Variants in NCK1 observed in about 807,000 individuals in gnomAD.
NCK1 encodes the protein SH2/SH3 adapter protein NCK1.
A neutral mutation model predicts 36.6 loss-of-function variants in NCK1; 19 were observed. The observed-to-expected ratio is 0.52, with a 90% confidence interval of 0.36 to 0.76. The LOEUF (loss-of-function observed/expected upper bound fraction) is 0.76, where lower values mean the gene tolerates loss of function less well. NCK1 is among the 30% of genes least tolerant of loss of function. NCK1 has a pLI of 0.00. For synonymous variants in NCK1, 165 were observed against 156.0 expected (o/e 1.06, Z -0.43); for missense variants, 358 against 445.6 (o/e 0.80, Z 1.77).
intron 1 of NCK1, among the ~76,000 whole-genome samples, chr3:136,863,318 GACAA>G (rs1298749461): frequency 6.6e-6 from 1 of 152,210 alleles, no homozygotes; most frequent in Non-Finnish European, 1.5e-5. Context: ...ATAGACGTAT[GACAA>G]ACCAACTATA....
intron 1 of NCK1, among the ~76,000 whole-genome samples, chr3:136,872,791 G>T (rs1266696064): frequency 3.3e-5 from 5 of 152,214 alleles, no homozygotes; most frequent in Non-Finnish European, 7.3e-5. Context: ...GTAGAGCTTG[G>T]GCTGTGGCTT....
rs1449991354 is a variant in NCK1, at chr3:136,948,412, G to A, written c.1093G>A (p.Glu365Lys). Residue 365 changes from glutamate to lysine, a missense_variant, in exon 4 of 4, where the codon GAA (glutamate) becomes AAA (lysine). Glu to Lys is a moderately conservative substitution (Grantham distance 56). Around this residue, in one of 3 missense-constraint regions of NCK1, gnomAD observed 207 missense variants for 253.4 expected, o/e 0.82. Transcript: ENST00000481752. ...HYKKAPIFTS[E>K]QGEKLYLVKH... ...CAAAAAGGCACCAATTTTTACAAGTGAACAAGGAGAAAAATTATATCTTGT... is the reference window on the plus strand; with the variant it reads ...CAAAAAGGCACCAATTTTTACAAGTAAACAAGGAGAAAAATTATATCTTGT... The A allele has an allele frequency of 6.2e-7, 1 of 1,612,706 alleles. No homozygotes were observed. The highest frequency in any genetic ancestry group is 1.7e-5 in the Admixed American group (1 of 59,948).
chr3:136,892,229 A>G (rs1212444572), intron 1 of NCK1, among the ~76,000 whole-genome samples: 1 of 152,132 alleles, frequency 6.6e-6, no homozygotes, highest in Admixed American at 6.6e-5. Context: ...GACTTGTAAG[A>G]GTTCTTTATA....
At chr3:136,867,790 T>G (rs149369997) in intron 1 of NCK1, among the ~76,000 whole-genome samples, 120 of 152,330 alleles carry the variant, frequency 7.9e-4, no homozygotes, top group African/African-American at 2.6e-3. Context: ...TGTGTGTTTA[T>G]GAAACCATAC....
chr3:136,917,902 A>G (rs1446475939), intron 1 of NCK1, among the ~76,000 whole-genome samples: 1 of 152,186 alleles, frequency 6.6e-6, no homozygotes, highest in African/African-American at 2.4e-5. Context: ...TTGTGAGGAG[A>G]ATAAGACCAG....
chr3:136,864,530 A>C (rs985376427), intron 1 of NCK1, among the ~76,000 whole-genome samples: 3 of 151,954 alleles, frequency 2.0e-5, no homozygotes, highest in Non-Finnish European at 4.4e-5. Flanking sequence ...ACCTATGTGT[A>C]ATGTTTTGTT....
intron 1 of NCK1, among the ~76,000 whole-genome samples, chr3:136,872,498 A>G (rs947435594): frequency 6.6e-6 from 1 of 152,246 alleles, no homozygotes; most frequent in Non-Finnish European, 1.5e-5. Context: ...GCAGCTTGAC[A>G]GCGTGATAGA....
chr3:136,919,674 A>G (rs1940055458), intron 1 of NCK1, among the ~76,000 whole-genome samples: 2 of 152,172 alleles, frequency 1.3e-5, no homozygotes, highest in Non-Finnish European at 2.9e-5. Flanking sequence ...ATAGCTATAT[A>G]TTAATGACAC....
chr3:136,936,197 C>T (rs749002889), intron 2 of NCK1, among the ~76,000 whole-genome samples: 8 of 151,966 alleles, frequency 5.3e-5, no homozygotes, highest in Admixed American at 2.0e-4. Flanking sequence ...CATGCCACCA[C>T]GCCTGGCTAA....
chr3:136,871,435 CTTTAAATGT>C (rs1938615153), intron 1 of NCK1, among the ~76,000 whole-genome samples: 1 of 152,008 alleles, frequency 6.6e-6, no homozygotes, highest in Admixed American at 6.6e-5. Flanking sequence ...GAGAAAGTAT[CTTTAAATGT>C]TTATTGAAAA....
intron 1 of NCK1, among the ~76,000 whole-genome samples, chr3:136,873,408 A>G (rs920743297): frequency 6.6e-6 from 1 of 152,088 alleles, no homozygotes; most frequent in Non-Finnish European, 1.5e-5. Flanking sequence ...CTGTACCCCC[A>G]TCTTATCTAG....
chr3:136,886,912 C>T (rs1939089066), intron 1 of NCK1, among the ~76,000 whole-genome samples: 1 of 150,806 alleles, frequency 6.6e-6, no homozygotes, highest in South Asian at 2.1e-4. Context: ...GGCACAATCT[C>T]ATCTCACTGC....
At chr3:136,923,282 G>A (rs554775662) in intron 1 of NCK1, among the ~76,000 whole-genome samples, 146 of 146,042 alleles carry the variant, frequency 1.0e-3, no homozygotes, top group Non-Finnish European at 1.9e-3. Flanking sequence ...CAGGCCGGGC[G>A]CGGTGGCTCA....
intron 2 of NCK1, among the ~76,000 whole-genome samples, chr3:136,941,862 A>G (rs1341804848): frequency 6.6e-6 from 1 of 151,938 alleles, no homozygotes; most frequent in Admixed American, 6.6e-5. Context: ...CTTTTTTGAG[A>G]CAGTCTTGCT....
chr3:136,864,217 G>A (rs1938343101), intron 1 of NCK1, among the ~76,000 whole-genome samples: 1 of 152,090 alleles, frequency 6.6e-6, no homozygotes, highest in Non-Finnish European at 1.5e-5. Context: ...TGTTGGCCGG[G>A]CTCGGTGGCT....
chr3:136,946,331 T>TTAC lies in NCK1; in HGVS notation c.939+36_939+37insTAC, dbSNP rs770642106. The TTAC allele has an allele frequency of 7.3e-6, 11 of 1,511,708 alleles. No homozygotes were observed. In the South Asian group the frequency reaches 9.9e-5, roughly 14 times the overall value. 93.6% of individuals were successfully genotyped at this position (1,511,708 alleles called of 1,614,324 possible). Reference sequence around the variant, plus strand: ...TTTCGGAGGTAAATACAAATAGAGCTCTGGGTATTTTAAAAAAAAGAGAGA... The same window carrying TTAC: ...TTTCGGAGGTAAATACAAATAGAGCTTACCTGGGTATTTTAAAAAAAAGAGAGA... On this transcript the variant is annotated intron_variant, in intron 3 of 3. Transcript: ENST00000481752.
intron 1 of NCK1, among the ~76,000 whole-genome samples, chr3:136,903,612 A>G (rs1939604443): frequency 1.3e-5 from 2 of 152,020 alleles, no homozygotes. Context: ...TTCAGTGGAG[A>G]TGGGGTTTCA....
chr3:136,905,713 C>T (rs1393571560), intron 1 of NCK1, among the ~76,000 whole-genome samples: 1 of 152,158 alleles, frequency 6.6e-6, no homozygotes, highest in Non-Finnish European at 1.5e-5. Flanking sequence ...CAGCCTCGAC[C>T]TCCCTGGGCT....
intron 1 of NCK1, among the ~76,000 whole-genome samples, chr3:136,915,452 C>T (rs527469494): frequency 4.1e-4 from 62 of 152,150 alleles, no homozygotes; most frequent in Non-Finnish European, 7.6e-4. Context: ...TCTTTTATAC[C>T]CAGGATTTTT....
Sources: gnomAD v4.1 joint callset for allele counts (sites outside exome capture counted in the v4.1 genomes callset) on GRCh38, gnomAD v4.1.1 for gene constraint, gnomAD v4.1.1 regional missense constraint, MANE v1.5 for transcripts, NCBI Gene and HGNC (gene_info 2026-07-23, HGNC 2026-07-21) for gene names.